Variants in PIP4K2C observed in about 807,000 individuals in gnomAD.
The protein encoded by PIP4K2C is phosphatidylinositol-5-phosphate 4-kinase type 2 gamma.
PIP4K2C carries 21 observed loss-of-function variants against 45.0 expected under a neutral mutation model. The ratio of observed to expected loss-of-function variants is 0.47; its 90% CI spans 0.33 to 0.67. PIP4K2C has a LOEUF of 0.67. Among genes scored for constraint, PIP4K2C ranks in the 30% least tolerant of loss-of-function variants. The probability of loss-of-function intolerance (pLI) is 0.02; values close to 1 mark genes in which losing one functional copy is unlikely to be tolerated. For missense variants in PIP4K2C, 456 were observed against 542.8 expected (o/e 0.84, Z 1.59); for synonymous variants, 201 against 204.8 (o/e 0.98, Z 0.16).
intron 8 of PIP4K2C, 38 bp from the exon 9 acceptor site, chr12:57,601,207 G>C: frequency 6.3e-7 from 1 of 1,598,316 alleles, no homozygotes. Flanking sequence ...AAGGGAATTG[G>C]AACTAAACCT....
rs1418600633 is a variant in PIP4K2C, at chr12:57,591,374, A to C, written c.85A>C (p.Lys29Gln). ...GPGFGFASKT[K>Q]KKHFVQQKVK... Reference sequence around the variant, plus strand: ...AGGTTTCGGCTTCGCCTCCAAGACCAAGAAGAAGCATTTCGTGCAGCAGAA... The same window carrying C: ...AGGTTTCGGCTTCGCCTCCAAGACCCAGAAGAAGCATTTCGTGCAGCAGAA... Residue 29 changes from lysine (K) to glutamine (Q), a missense_variant, in exon 1 of 10, where the codon AAG becomes CAG. Transcript: ENST00000354947. The C allele has an allele frequency of 6.2e-7, 1 of 1,613,882 alleles. No individual in the cohort carries two copies. Among genetic ancestry groups the C allele is most frequent in the South Asian group, 1.1e-5 (1 of 91,054 alleles).
intron 1 of PIP4K2C, among the ~76,000 whole-genome samples, chr12:57,593,521 C>T (rs186037666): frequency 6.6e-6 from 1 of 152,106 alleles, no homozygotes; most frequent in African/African-American, 2.4e-5. Context: ...GAAGACTGGT[C>T]CTGTTTGCAA....
intron 4 of PIP4K2C, among the ~76,000 whole-genome samples, chr12:57,596,429 G>T (rs1278790009): frequency 6.6e-6 from 1 of 151,112 alleles, no homozygotes; most frequent in African/African-American, 2.4e-5. Flanking sequence ...AGGTTGTAGT[G>T]AGCCGAGATC....
At chr12:57,591,617 C>T (rs1034823020) in intron 1 of PIP4K2C, among the ~76,000 whole-genome samples, 154 bp downstream of exon 1, 8 of 152,236 alleles carry the variant, frequency 5.3e-5, no homozygotes, top group Non-Finnish European at 7.3e-5. Context: ...GGTGTTCCCC[C>T]AGCAGGTTTT....
chr12:57,601,191 T>C, intron 8 of PIP4K2C, 54 bp from the exon 9 acceptor site: 1 of 1,589,986 alleles, frequency 6.3e-7, no homozygotes, highest in South Asian at 1.1e-5. Context: ...GACTGCTTCC[T>C]GGAGAAAGGG....
chr12:57,596,062 C>G (rs767904400), intron 4 of PIP4K2C, 31 bp downstream of exon 4: 1 of 1,600,742 alleles, frequency 6.2e-7, no homozygotes, highest in East Asian at 2.2e-5. Context: ...CATTCTTTCC[C>G]TCTCCTCCCT....
At chr12:57,597,556 A>G (rs757058368) in intron 4 of PIP4K2C, among the ~76,000 whole-genome samples, 8 of 152,222 alleles carry the variant, frequency 5.3e-5, no homozygotes, top group Non-Finnish European at 1.0e-4. Context: ...CTGGGAGTAT[A>G]GGTTTGAGAA....
At chr12:57,595,275 G>A in intron 3 of PIP4K2C, 53 bp downstream of exon 3, 1 of 1,141,886 alleles carries the variant, frequency 8.8e-7, no homozygotes. Context: ...CAACTGAGGA[G>A]TACTATTTGG....
rs1397888542 is a variant in PIP4K2C at position 57,602,669 on chromosome 12, C to G, written c.*1063C>G. 1 of 152,520 alleles carries G rather than the reference C, an allele frequency of 6.6e-6. No homozygotes were observed. The highest frequency in any genetic ancestry group is 1.9e-4 in the East Asian group (1 of 5,192). The allele number at this position is 152,520 out of a possible 1,614,324, so 9.4% of individuals were successfully genotyped here. ...TACCTAGCACACTTCCTTCTCCCACCCCTTTTTCCAGTTGGATTTGTTTTT... is the reference window on the plus strand; with the variant it reads ...TACCTAGCACACTTCCTTCTCCCACGCCTTTTTCCAGTTGGATTTGTTTTT... On this transcript the variant is annotated 3_prime_UTR_variant, in exon 10 of 10. Transcript: ENST00000354947.
intron 1 of PIP4K2C, among the ~76,000 whole-genome samples, chr12:57,593,806 C>G (rs114729297): frequency 6.9e-6 from 1 of 144,620 alleles, no homozygotes; most frequent in Non-Finnish European, 1.5e-5. Context: ...TGGGGGTGGG[C>G]GTGTTGGGGG....
chr12:57,597,967 G>A (rs888513864), intron 4 of PIP4K2C: 1 of 152,194 alleles, frequency 6.6e-6, no homozygotes, highest in Non-Finnish European at 1.5e-5. Context: ...GTGATTCAAC[G>A]TGTGAATGAG....
chr12:57,591,231 G>A lies in PIP4K2C; in HGVS notation c.-59G>A, dbSNP rs188999108. On this transcript the variant is annotated 5_prime_UTR_variant, in exon 1 of 10. Coordinates refer to ENST00000354947, the MANE Select transcript of PIP4K2C (RefSeq NM_024779.5). ...AGCGCAGGTGAGCGCCGCTTCCGGGGTCGGGCGCCTGGATAGCTGCCGGCT... is the reference window on the plus strand; with the variant it reads ...AGCGCAGGTGAGCGCCGCTTCCGGGATCGGGCGCCTGGATAGCTGCCGGCT... The A allele has an allele frequency of 1.6e-4, 245 of 1,537,902 alleles. No homozygotes were observed. In the African/African-American group the frequency reaches 2.8e-3, roughly 18 times the overall value.
At chr12:57,591,828 TGA>T (rs1172034595) in intron 1 of PIP4K2C, among the ~76,000 whole-genome samples, 5 of 152,140 alleles carry the variant, frequency 3.3e-5, no homozygotes, top group African/African-American at 9.6e-5. Context: ...TGGTTGTTGG[TGA>T]GAGTGTAGGT....
At position 57,598,362 on chromosome 12, in the gene PIP4K2C, A is replaced by G. The variant is rs181470156; in HGVS notation, c.514-703A>G. On this transcript the variant is annotated intron_variant, in intron 4 of 9. Transcript: ENST00000354947. ...ACAGTGAAACCCCGCTTCTACTAAA[A>G]TACAAAAAATTAGCTGAGCGTGGTG... Among the ~76,000 whole-genome samples, 32 of 152,208 alleles carry G rather than the reference A, an allele frequency of 2.1e-4. No individual in the cohort carries two copies. In the East Asian group the frequency reaches 5.4e-3, roughly 26 times the overall value.
At position 57,598,258 on chromosome 12, in the gene PIP4K2C, C is replaced by T. The variant is rs188836673; in HGVS notation, c.514-807C>T. Among the ~76,000 whole-genome samples, 70 of 151,894 alleles carry T rather than the reference C, an allele frequency of 4.6e-4. No individual in the cohort carries two copies. In the East Asian group the frequency reaches 0.011, roughly 24 times the overall value. Reference sequence around the variant, plus strand: ...ATTGTAGGCCGGGTGCAGTGGCTCACGCTTGTAATCCTAGCACTTTGGGAG... The same window carrying T: ...ATTGTAGGCCGGGTGCAGTGGCTCATGCTTGTAATCCTAGCACTTTGGGAG... On this transcript the variant is annotated intron_variant, in intron 4 of 9. Coordinates refer to ENST00000354947, the MANE Select transcript of PIP4K2C (RefSeq NM_024779.5).
At chr12:57,601,172 A>G in intron 8 of PIP4K2C, 73 bp from the exon 9 acceptor site, 1 of 1,590,692 alleles carries the variant, frequency 6.3e-7, no homozygotes, top group South Asian at 1.1e-5. Context: ...AGCTTTTCAG[A>G]ACAAAACTGA....
intron 4 of PIP4K2C, among the ~76,000 whole-genome samples, chr12:57,598,447 G>T (rs2140189954): frequency 6.6e-6 from 1 of 151,618 alleles, no homozygotes; most frequent in Admixed American, 6.6e-5. Context: ...CTTGAACCTG[G>T]GAGGAGGCGG....
Position 57,591,435 on chromosome 12 carries a change from G to A in PIP4K2C, c.146G>A (p.Gly49Asp). 1 of 1,613,404 alleles carries A rather than the reference G, an allele frequency of 6.2e-7. No homozygotes were observed. The highest frequency in any genetic ancestry group is 8.5e-7 in the Non-Finnish European group (1 of 1,179,702). The change falls in exon 1 of 10, where the codon GGT becomes GAT. Residue 49 changes from glycine (G) to aspartate (D), a missense_variant. This residue lies in a region of PIP4K2C where 421 missense variants were observed against 473.1 expected (regional missense o/e 0.89). Transcript: ENST00000354947. Reference sequence around the variant, plus strand: ...TTCCGGGCGGCCGACCCGCTGGTGGGTGTGTTCCTGTGGGGCGTAGCCCAC... The same window carrying A: ...TTCCGGGCGGCCGACCCGCTGGTGGATGTGTTCCTGTGGGGCGTAGCCCAC... ...KVFRAADPLV[G>D]VFLWGVAHSI...
At position 57,595,171 on chromosome 12, in the gene PIP4K2C, G is replaced by A; in HGVS notation, c.318G>A (p.Gln106=). The part of the protein sequence containing the change: ...SHFKFKEYCP[Q]VFRNLRDRFG... ...TCAAGTTCAAGGAGTATTGTCCCCA[G>A]GTCTTCAGGAACCTCCGTGATCGAT... The change falls in exon 3 of 10, where the codon CAG becomes CAA. Residue 106 remains glutamine, a synonymous_variant. Transcript: ENST00000354947. 1 of 1,612,854 alleles carries A rather than the reference G, an allele frequency of 6.2e-7. No individual in the cohort carries two copies. Among genetic ancestry groups the A allele is most frequent in the Non-Finnish European group, 8.5e-7 (1 of 1,178,876 alleles).
Sources: gnomAD v4.1 joint callset for allele counts (sites outside exome capture counted in the v4.1 genomes callset) on GRCh38, gnomAD v4.1.1 for gene constraint, gnomAD v4.1.1 regional missense constraint, MANE v1.5 for transcripts, NCBI Gene and HGNC (gene_info 2026-07-23, HGNC 2026-07-21) for gene names.